MARK4: variants seen among roughly 807,000 people sequenced by gnomAD.
The protein encoded by MARK4 is microtubule affinity regulating kinase 4.
In MARK4, 19 loss-of-function variants were observed where a neutral mutation model predicts 81.5. That is an observed-to-expected ratio of 0.23 (90% CI 0.16 to 0.34). The LOEUF (loss-of-function observed/expected upper bound fraction) is 0.34, where lower values mean the gene tolerates loss of function less well. MARK4 is among the 10% of genes least tolerant of loss of function. MARK4 has a pLI of 1.00. For missense variants in MARK4, 772 were observed against 1,058.8 expected (o/e 0.73, Z 3.76); for synonymous variants, 436 against 439.0 (o/e 0.99, Z 0.08).
chr19:45,272,157 C>T (rs1231525390), intron 8 of MARK4, among the ~76,000 whole-genome samples: 12 of 152,022 alleles, frequency 7.9e-5, no homozygotes, highest in Non-Finnish European at 1.5e-4. Context: ...CATAGGGAGA[C>T]GCTGTCTCTA....
rs1420721126 is a variant in MARK4, at chr19:45,271,737, T to C, written c.786+29T>C. 8 of 1,585,870 alleles carry C rather than the reference T, an allele frequency of 5.0e-6. No homozygotes were observed. The highest frequency in any genetic ancestry group is 6.9e-6 in the Non-Finnish European group (8 of 1,157,044). Reference sequence around the variant, plus strand: ...CCGAGAGGGGCTGGGTGCAGGGGCATCAGCCCCTCCCCACAGTCAGGCCCC... The same window carrying C: ...CCGAGAGGGGCTGGGTGCAGGGGCACCAGCCCCTCCCCACAGTCAGGCCCC... On this transcript the variant is annotated intron_variant, in intron 8 of 16. Transcript: ENST00000262891. This position sits in a 1 kb window ranked among gnomAD's most constrained non-coding sequence, Gnocchi z 4.1.
chr19:45,284,357 C>G (rs919832327), intron 12 of MARK4, among the ~76,000 whole-genome samples: 8 of 149,806 alleles, frequency 5.3e-5, no homozygotes, highest in Non-Finnish European at 8.9e-5. Context: ...AAGTCTCGCT[C>G]CGTTGCCCAA....
intron 6 of MARK4, 88 bp from the exon 7 acceptor site, chr19:45,266,137 G>T: frequency 4.4e-6 from 6 of 1,365,588 alleles, no homozygotes; most frequent in Non-Finnish European, 6.3e-6. Context: ...GGAGGCCTGG[G>T]GCCCAGCTGT....
chr19:45,267,812 C>T (rs919917819), intron 7 of MARK4, among the ~76,000 whole-genome samples: 5 of 151,198 alleles, frequency 3.3e-5, no homozygotes, highest in African/African-American at 1.2e-4. Flanking sequence ...AGGTGTGAGC[C>T]ACAAAGCCTG....
intron 15 of MARK4, 23 bp from the exon 16 acceptor site, chr19:45,299,786 ACT>A (rs1270929252): frequency 6.3e-7 from 1 of 1,578,098 alleles, no homozygotes; most frequent in Admixed American, 1.7e-5. Flanking sequence ...CAGATTAGAC[ACT>A]CTGTCCCCCT....
intron 13 of MARK4, among the ~76,000 whole-genome samples, chr19:45,291,315 G>A (rs1325582869): frequency 1.3e-5 from 2 of 152,216 alleles, no homozygotes; most frequent in African/African-American, 4.8e-5. Flanking sequence ...CAAGGGAGCT[G>A]CTCCTTCTGA....
rs1465835801 is a variant in MARK4 at position 45,251,572 on chromosome 19, C to T, written c.-17C>T. 1 of 1,382,668 alleles carries T rather than the reference C, an allele frequency of 7.2e-7. No homozygotes were observed. Among genetic ancestry groups the T allele is most frequent in the Non-Finnish European group, 9.4e-7 (1 of 1,062,470 alleles). 85.6% of individuals were successfully genotyped at this position (1,382,668 alleles called of 1,614,324 possible). A position where few individuals can be genotyped will look rare whatever the true frequency, so the allele number is the denominator to read the frequency against. On this transcript the variant is annotated 5_prime_UTR_variant, in exon 1 of 17. Coordinates refer to ENST00000262891, the MANE Select transcript of MARK4 (RefSeq NM_001199867.2). ...CCCCCCCACCCGGCCGCCCCTGCCC[C>T]CCGGGACCCGGAGAAGATGTCTTCG...
chr19:45,301,422 G>A (rs985837736), intron 16 of MARK4, among the ~76,000 whole-genome samples: 8 of 151,950 alleles, frequency 5.3e-5, no homozygotes, highest in African/African-American at 1.9e-4. Context: ...AAATTAGCTG[G>A]CCGTGGTGCC....
In MARK4 at chr19:45,302,408, C is replaced by T; in HGVS notation, c.1957C>T (p.Pro653Ser). The change falls in exon 17 of 17, where the codon CCC becomes TCC. Residue 653 changes from proline (P) to serine (S), a missense_variant. By Grantham distance (74) the Pro-to-Ser change is moderately conservative. Transcript: ENST00000262891. This position sits in a 1 kb window ranked among gnomAD's most constrained non-coding sequence, Gnocchi z 4.9. ...HLPWDQTETAPRLLRFPWSVK... is the reference protein window; with the variant it reads ...HLPWDQTETASRLLRFPWSVK... ...ACCTTGGGATCAAACGGAAACCGCCCCCCGGCTGCTCCGATTCCCCTGGAG... is the reference window on the plus strand; with the variant it reads ...ACCTTGGGATCAAACGGAAACCGCCTCCCGGCTGCTCCGATTCCCCTGGAG... 1 of 1,614,126 alleles carries T rather than the reference C, an allele frequency of 6.2e-7. No individual in the cohort carries two copies. The highest frequency in any genetic ancestry group is 8.5e-7 in the Non-Finnish European group (1 of 1,179,978).
At chr19:45,279,255 G>A (rs1031334156) in intron 10 of MARK4, among the ~76,000 whole-genome samples, 10 of 151,990 alleles carry the variant, frequency 6.6e-5, no homozygotes, top group African/African-American at 2.4e-4. Context: ...AGTGGCTCAC[G>A]CCTATAATCT....
At chr19:45,286,431 C>T (rs1367740599) in intron 12 of MARK4, among the ~76,000 whole-genome samples, 2 of 146,290 alleles carry the variant, frequency 1.4e-5, no homozygotes, top group Admixed American at 6.9e-5. Flanking sequence ...AATATGGGAC[C>T]GGGTGCGGTG....
At chr19:45,299,584 T>A (rs1970939555) in intron 15 of MARK4, among the ~76,000 whole-genome samples, 1 of 152,132 alleles carries the variant, frequency 6.6e-6, no homozygotes, top group Non-Finnish European at 1.5e-5. Context: ...CCCCTCCCTT[T>A]CATCTTCCAC....
intron 13 of MARK4, among the ~76,000 whole-genome samples, 199 bp from the exon 14 acceptor site, chr19:45,294,150 C>G (rs552475213): frequency 1.3e-5 from 2 of 152,246 alleles, no homozygotes; most frequent in Admixed American, 6.5e-5. Context: ...CCAGGGGTCT[C>G]CCCTGACTCA....
In MARK4 at chr19:45,297,662, GTC is replaced by G. The variant is rs1317513845; in HGVS notation, c.1599-10_1599-9del. The G allele has an allele frequency of 6.6e-7, 1 of 1,509,160 alleles. No homozygotes were observed. The highest frequency in any genetic ancestry group is 8.8e-7 in the Non-Finnish European group (1 of 1,133,686). The allele number at this position is 1,509,160 out of a possible 1,614,324, so 93.5% of individuals were successfully genotyped here. A position where few individuals can be genotyped will look rare whatever the true frequency, so the allele number is the denominator to read the frequency against. On this transcript the variant is annotated splice_polypyrimidine_tract_variant and intron_variant, in intron 14 of 16. Coordinates refer to ENST00000262891, the MANE Select transcript of MARK4 (RefSeq NM_001199867.2). ...CTCAGTCCCCCACCCTGACTTGTCT[GTC>G]TCTGCCCACAGCTCAGGCACCCCAC...
At chr19:45,263,232 C>G in intron 3 of MARK4, 66 bp downstream of exon 3, 4 of 1,613,554 alleles carry the variant, frequency 2.5e-6, no homozygotes, top group Non-Finnish European at 3.4e-6. Context: ...ACCCACCTGA[C>G]CCTTCCTGCG....
At chr19:45,264,268 G>A (rs1277742370) in intron 4 of MARK4, among the ~76,000 whole-genome samples, 2 of 152,000 alleles carry the variant, frequency 1.3e-5, no homozygotes, top group Non-Finnish European at 1.5e-5. Flanking sequence ...TTGGGAGGCC[G>A]AGGCGGGTGG....
Position 45,303,065 on chromosome 19 carries a change from G to A in MARK4, c.*355G>A. ...CAGCTCAAAATTAGGCCTTGGGCAG[G>A]GGCAGGGAGAGCTGCTGAGCCTAAA... On this transcript the variant is annotated 3_prime_UTR_variant, in exon 17 of 17. Coordinates refer to ENST00000262891, the MANE Select transcript of MARK4 (RefSeq NM_001199867.2). The A allele has an allele frequency of 7.0e-6, 2 of 286,418 alleles. No homozygotes were observed. Among genetic ancestry groups the A allele is most frequent in the Non-Finnish European group, 1.3e-5 (2 of 152,220 alleles). The allele number at this position is 286,418 out of a possible 1,614,324, so 17.7% of individuals were successfully genotyped here. A position where few individuals can be genotyped will look rare whatever the true frequency, so the allele number is the denominator to read the frequency against.
intron 12 of MARK4, among the ~76,000 whole-genome samples, chr19:45,282,084 G>A (rs943398968): frequency 2.0e-5 from 3 of 151,840 alleles, no homozygotes; most frequent in African/African-American, 7.3e-5. Flanking sequence ...TTAGCTGGGC[G>A]TGTTGGTGCG....
At chr19:45,291,239 G>C (rs1007333507) in intron 13 of MARK4, among the ~76,000 whole-genome samples, 2 of 152,198 alleles carry the variant, frequency 1.3e-5, no homozygotes, top group African/African-American at 2.4e-5. Flanking sequence ...GGAAGGACTG[G>C]AGGAGCGGAC....
Sources: gnomAD v4.1 joint callset for allele counts (sites outside exome capture counted in the v4.1 genomes callset) on GRCh38, gnomAD v4.1.1 for gene constraint, Gnocchi (gnomAD v3.1) non-coding constraint, MANE v1.5 for transcripts, NCBI Gene and HGNC (gene_info 2026-07-23, HGNC 2026-07-21) for gene names.